The following PDE1C variants were observed in gnomAD, a reference collection of about 807,000 sequenced individuals.
PDE1C encodes the protein phosphodiesterase 1C, also known as dual specificity calcium/calmodulin-dependent 3',5'-cyclic nucleotide phosphodiesterase 1C.
A neutral mutation model predicts 93.1 loss-of-function variants in PDE1C; 62 were observed. That is an observed-to-expected ratio of 0.67 (90% CI 0.54 to 0.82). The LOEUF (loss-of-function observed/expected upper bound fraction) is 0.82. Ranked by LOEUF, PDE1C falls within the 40% of genes least tolerant of loss-of-function variation. The pLI is 0.00. For missense variants in PDE1C, 742 were observed against 884.6 expected (o/e 0.84, Z 2.04); for synonymous variants, 325 against 310.1 (o/e 1.05, Z -0.50).
At chr7:32,335,394 G>A (rs1783599110) in intron 1 of PDE1C, among the ~76,000 whole-genome samples, 1 of 152,194 alleles carries the variant, frequency 6.6e-6, no homozygotes, top group Non-Finnish European at 1.5e-5. Flanking sequence ...AGGAGTGTTT[G>A]GTCCAATAGC....
In PDE1C at chr7:31,823,207, A is replaced by C; in HGVS notation, c.1448T>G (p.Val483Gly). ...ACTTCCCTCTGAACCAGAGGTCTTG[A>C]CACCTGATCGCTTGGCATCTGACGA... is the stretch of plus-strand genomic sequence containing the variant. The part of the protein sequence containing the change: ...ISSSDAKRSG[V>G]KTSGSEGSAP... The change falls in exon 14 of 18, where the codon GTC becomes GGC. Residue 483 changes from valine to glycine, a missense_variant. By Grantham distance (109) the Val-to-Gly change is moderately radical (BLOSUM62 -3). This residue lies in a region of PDE1C where 454 missense variants were observed against 459.4 expected (regional missense o/e 0.99). Transcript: ENST00000396191. 6.2e-7 allele frequency: 1 copy of C among 1,612,622 alleles called. No individual in the cohort carries two copies. The highest frequency in any genetic ancestry group is 8.5e-7 in the Non-Finnish European group (1 of 1,179,294).
intron 1 of PDE1C, among the ~76,000 whole-genome samples, chr7:32,212,042 AAAAG>A (rs1239073021): frequency 6.6e-5 from 10 of 150,580 alleles, no homozygotes; most frequent in Non-Finnish European, 7.4e-5. Flanking sequence ...AAAAAAAAAA[AAAAG>A]AAAGAAAGAA....
intron 2 of PDE1C, among the ~76,000 whole-genome samples, chr7:31,982,798 A>T (rs531979310): frequency 1.3e-5 from 2 of 151,400 alleles, no homozygotes; most frequent in Non-Finnish European, 2.9e-5. Flanking sequence ...GTTGGAAATA[A>T]AAAAGTAAAA....
intron 3 of PDE1C, among the ~76,000 whole-genome samples, chr7:32,147,268 GAAAA>G (rs60286971): frequency 2.8e-4 from 13 of 46,744 alleles, no homozygotes; most frequent in African/African-American, 4.5e-4. Flanking sequence ...AAGAAAGAAA[GAAAA>G]AAAGAAAGAA....
intron 1 of PDE1C, among the ~76,000 whole-genome samples, chr7:32,419,822 T>G (rs691630): frequency 0.93 from 140,456 of 151,528 alleles, 65,279 homozygotes; most frequent in Admixed American, 0.96. Flanking sequence ...AGATGTAAGA[T>G]GCACACACAG....
At chr7:31,959,271 C>T (rs1361070902) in intron 2 of PDE1C, among the ~76,000 whole-genome samples, 3 of 152,174 alleles carry the variant, frequency 2.0e-5, no homozygotes, top group South Asian at 2.1e-4. Context: ...AATGCAGTGG[C>T]TCAATCTCGG....
At chr7:31,703,345 A>AGT in the PDE1C span, among the ~76,000 whole-genome samples, 4 of 152,240 alleles carry the variant, frequency 2.6e-5, no homozygotes, top group Non-Finnish European at 5.9e-5. Context: ...ACCTGGCATG[A>AGT]GTGCTGCCTA....
chr7:31,998,492 C>T (rs6968484), intron 2 of PDE1C, among the ~76,000 whole-genome samples: 73,872 of 151,940 alleles, frequency 0.49, 19,217 homozygotes, highest in African/African-American at 0.67. Flanking sequence ...GGTAATATAC[C>T]GAATGATCAT....
At chr7:31,670,705 C>T in the PDE1C span, among the ~76,000 whole-genome samples, 3 of 152,144 alleles carry the variant, frequency 2.0e-5, no homozygotes. Flanking sequence ...AGAGCAGGTT[C>T]CTGGCAAGGT....
rs183266401 is a variant in PDE1C at position 32,081,829 on chromosome 7, C to T, written c.308+87956G>A. Among the ~76,000 whole-genome samples, 209 of 152,312 alleles carry T rather than the reference C, an allele frequency of 1.4e-3. 1 individual carries two copies. Among genetic ancestry groups the T allele is most frequent in the African/African-American group, 4.8e-3 (201 of 41,568 alleles). ...AACCTCAGGAGATTTATTTAATAAC[C>T]ATGGCTTTTAGAAGCAACATTCATA... On this transcript the variant is annotated intron_variant, in intron 3 of 18. Coordinates refer to the PDE1C transcript ENST00000396193.
the PDE1C span, among the ~76,000 whole-genome samples, chr7:31,625,717 A>T: frequency 6.6e-6 from 1 of 152,202 alleles, no homozygotes; most frequent in African/African-American, 2.4e-5. Flanking sequence ...TCACATGTAT[A>T]CATATGTACC....
chr7:31,795,237 A>G (rs1785141737), intron 16 of PDE1C, among the ~76,000 whole-genome samples: 1 of 151,928 alleles, frequency 6.6e-6, no homozygotes, highest in Non-Finnish European at 1.5e-5. Flanking sequence ...ATTTACTTCA[A>G]AGGTTCCCTT....
At chr7:31,761,566 A>G (rs1333616754) in intron 17 of PDE1C, among the ~76,000 whole-genome samples, 1 of 152,106 alleles carries the variant, frequency 6.6e-6, no homozygotes, top group Non-Finnish European at 1.5e-5. Context: ...AGGCCAGTGG[A>G]GTCTAGCCAG....
At chr7:31,770,694 G>C (rs775547977) in intron 17 of PDE1C, among the ~76,000 whole-genome samples, 7 of 152,016 alleles carry the variant, frequency 4.6e-5, no homozygotes, top group Non-Finnish European at 8.8e-5. Context: ...TATTTTAGTA[G>C]AGATGGGGTT....
At chr7:32,382,411 T>C (rs918289980) in intron 1 of PDE1C, among the ~76,000 whole-genome samples, 1 of 152,100 alleles carries the variant, frequency 6.6e-6, no homozygotes, top group Non-Finnish European at 1.5e-5. Flanking sequence ...CCCCCTACCT[T>C]GTATCCCTGT....
At chr7:32,226,902 T>C (rs1454475935) in intron 1 of PDE1C, among the ~76,000 whole-genome samples, 1 of 152,156 alleles carries the variant, frequency 6.6e-6, no homozygotes, top group Non-Finnish European at 1.5e-5. Context: ...CTGGGGGCTC[T>C]TTTTATGCCG....
chr7:31,635,729 AACACATGG>A, the PDE1C span, among the ~76,000 whole-genome samples: 9 of 152,056 alleles, frequency 5.9e-5, no homozygotes, highest in Non-Finnish European at 1.5e-5. Flanking sequence ...TTTAAATGAG[AACACATGG>A]ACACAGGGAG....
chr7:31,718,963 G>A, the PDE1C span, among the ~76,000 whole-genome samples: 13 of 152,286 alleles, frequency 8.5e-5, no homozygotes, highest in East Asian at 2.3e-3. Flanking sequence ...CAGACCCTCA[G>A]TTACCAGCAT....
chr7:32,121,970 A>T (rs926749689), intron 3 of PDE1C, among the ~76,000 whole-genome samples: 1 of 152,248 alleles, frequency 6.6e-6, no homozygotes, highest in African/African-American at 2.4e-5. Context: ...TATATTCAAG[A>T]GACCCATTTC....
Sources: allele counts gnomAD v4.1 joint callset (sites outside exome capture counted in the v4.1 genomes callset), GRCh38; gene constraint gnomAD v4.1.1; regional missense constraint gnomAD v4.1.1; transcripts MANE v1.5; gene names NCBI Gene and HGNC (gene_info 2026-07-23, HGNC 2026-07-21).